RNF212B: variants seen among roughly 807,000 people sequenced by gnomAD.
The protein encoded by RNF212B is ring finger protein 212B, also known as E3 ubiquitin-protein ligase RNF212B.
RNF212B carries 52 observed loss-of-function variants against 55.5 expected under a neutral mutation model. The ratio of observed to expected loss-of-function variants is 0.94; its 90% CI spans 0.75 to 1.18. The LOEUF (loss-of-function observed/expected upper bound fraction) is 1.18, where lower values mean the gene tolerates loss of function less well. Among genes scored for constraint, RNF212B ranks in the 50% most tolerant of loss-of-function variants. The probability of loss-of-function intolerance (pLI) is 0.00; values close to 1 mark genes in which losing one functional copy is unlikely to be tolerated. For synonymous variants in RNF212B, 99 were observed against 121.4 expected (o/e 0.82, Z 1.21); for missense variants, 289 against 350.4 (o/e 0.82, Z 1.40).
intron 2 of RNF212B, among the ~76,000 whole-genome samples, chr14:23,232,791 G>GA (rs1323740938): frequency 6.7e-6 from 1 of 149,448 alleles, no homozygotes; most frequent in Non-Finnish European, 1.5e-5. Context: ...AGGTGGGGGG[G>GA]GGGTCAGCCT....
At chr14:23,209,752 C>G (rs1880291775) in intron 2 of RNF212B, among the ~76,000 whole-genome samples, 1 of 109,140 alleles carries the variant, frequency 9.2e-6, no homozygotes, top group Non-Finnish European at 2.3e-5. Flanking sequence ...GGCAACCACT[C>G]TCTTAAACAA....
chr14:23,229,633 CTA>C (rs1319475881), intron 2 of RNF212B, among the ~76,000 whole-genome samples: 10 of 152,114 alleles, frequency 6.6e-5, no homozygotes, highest in Admixed American at 6.5e-4. Flanking sequence ...TCCCCTATGA[CTA>C]ATTATATTGA....
intron 2 of RNF212B, among the ~76,000 whole-genome samples, chr14:23,221,965 A>C (rs1881612376): frequency 6.6e-6 from 1 of 152,210 alleles, no homozygotes; most frequent in African/African-American, 2.4e-5. Flanking sequence ...CAACATACCA[A>C]AACCTATGGG....
At chr14:23,213,490 C>T (rs2064753) in intron 2 of RNF212B, among the ~76,000 whole-genome samples, 13,019 of 152,028 alleles carry the variant, frequency 0.086, 1,444 homozygotes, top group African/African-American at 0.26. Context: ...AGTCATGAGG[C>T]GGAAAGAAGA....
intron 2 of RNF212B, among the ~76,000 whole-genome samples, chr14:23,241,608 G>C (rs1883571643): frequency 6.6e-6 from 1 of 151,916 alleles, no homozygotes; most frequent in Non-Finnish European, 1.5e-5. Context: ...ATTTTTAGTA[G>C]AGATGGGGTT....
intron 2 of RNF212B, among the ~76,000 whole-genome samples, chr14:23,232,711 C>A (rs1882775858): frequency 6.7e-6 from 1 of 148,548 alleles, no homozygotes. Flanking sequence ...CCCCGCCCGG[C>A]CAGCCGCCCC....
At chr14:23,243,842 T>C (rs1883794959) in intron 3 of RNF212B, among the ~76,000 whole-genome samples, 1 of 151,802 alleles carries the variant, frequency 6.6e-6, no homozygotes, top group East Asian at 1.9e-4. Flanking sequence ...TTTGGGAGGC[T>C]GATGCGGGTG....
chr14:23,235,432 C>T (rs1430784071), upstream of RNF212B, among the ~76,000 whole-genome samples: 1 of 152,158 alleles, frequency 6.6e-6, no homozygotes, highest in African/African-American at 2.4e-5. Flanking sequence ...TCATGGAATA[C>T]TGTTTTTACT....
chr14:23,259,141 T>C (rs1885089172), intron 5 of RNF212B, among the ~76,000 whole-genome samples: 2 of 151,830 alleles, frequency 1.3e-5, no homozygotes, highest in Admixed American at 1.3e-4. Context: ...CAGTGAGCTA[T>C]GATCACACCA....
At chr14:23,209,699 T>C (rs900951861) in intron 2 of RNF212B, among the ~76,000 whole-genome samples, 1 of 152,114 alleles carries the variant, frequency 6.6e-6, no homozygotes, top group African/African-American at 2.4e-5. Context: ...TTTCAAAGAA[T>C]AGATGGAAAG....
intron 2 of RNF212B, among the ~76,000 whole-genome samples, chr14:23,223,692 C>T (rs1881767264): frequency 6.6e-6 from 1 of 152,138 alleles, no homozygotes; most frequent in Non-Finnish European, 1.5e-5. Flanking sequence ...GATAAGAATG[C>T]CCATTTTCAC....
chr14:23,194,734 CAAAAAAAAAAA>C (rs34019946), intron 2 of RNF212B, among the ~76,000 whole-genome samples: 2 of 74,962 alleles, frequency 2.7e-5, no homozygotes, highest in African/African-American at 9.4e-5. Flanking sequence ...GACTCTGTCT[CAAAAAAAAAAA>C]AAAAAAAAAA....
At chr14:23,262,030 T>C (rs1885334253) in intron 7 of RNF212B, among the ~76,000 whole-genome samples, 1 of 152,112 alleles carries the variant, frequency 6.6e-6, no homozygotes, top group Non-Finnish European at 1.5e-5. Flanking sequence ...CACACACATA[T>C]ATATTTTTTA....
intron 2 of RNF212B, among the ~76,000 whole-genome samples, chr14:23,193,746 T>C (rs1878349620): frequency 1.8e-5 from 1 of 56,144 alleles, no homozygotes; most frequent in African/African-American, 5.9e-5. Context: ...CAGTAGAAGA[T>C]TTAACAAAAA....
At chr14:23,252,548 G>A (rs1955560) in intron 4 of RNF212B, among the ~76,000 whole-genome samples, 25,526 of 152,132 alleles carry the variant, frequency 0.17, 2,487 homozygotes, top group South Asian at 0.25. Context: ...TTAATCATAA[G>A]ACAGCTGAAC....
intron 12 of RNF212B, among the ~76,000 whole-genome samples, chr14:23,269,622 G>C (rs1885931578): frequency 6.6e-6 from 1 of 151,684 alleles, no homozygotes; most frequent in East Asian, 1.9e-4. Context: ...TAAGACAGGA[G>C]GATCACTTGA....
At chr14:23,205,910 C>A (rs913068684) in intron 2 of RNF212B, among the ~76,000 whole-genome samples, 1 of 152,154 alleles carries the variant, frequency 6.6e-6, no homozygotes, top group African/African-American at 2.4e-5. Context: ...AATTTTGACA[C>A]CTTACATTAT....
Position 23,262,707 on chromosome 14 carries a change from G to C in RNF212B, c.477G>C (p.Gln159His), listed in dbSNP as rs1350432447. ...CAGTGGGCATTACTTCCCCATCACA[G>C]TCAGGTGGAGAACATTTTTCCCCTA... ...PRPVGITSPS[Q>H]SVTPRPSFQH... Residue 159 changes from glutamine (Q) to histidine (H), a missense_variant, in exon 8 of 15, where the codon CAG (glutamine) becomes CAC (histidine). By Grantham distance (24) the Gln-to-His change is conservative. Coordinates refer to ENST00000430154, the MANE Select transcript of RNF212B (RefSeq NM_001282322.3). The C allele has an allele frequency of 1.9e-6, 3 of 1,550,324 alleles. No homozygotes were observed. In the South Asian group the frequency reaches 3.6e-5, roughly 18 times the overall value.
intron 1 of RNF212B, among the ~76,000 whole-genome samples, chr14:23,239,993 A>C (rs1202954608): frequency 6.9e-6 from 1 of 145,542 alleles, no homozygotes; most frequent in East Asian, 2.0e-4. Context: ...AGTAAAGGAA[A>C]ACACACACAC....
Sources: allele counts gnomAD v4.1 joint callset (sites outside exome capture counted in the v4.1 genomes callset), GRCh38; gene constraint gnomAD v4.1.1; transcripts MANE v1.5; gene names NCBI Gene and HGNC (gene_info 2026-07-23, HGNC 2026-07-21).